Variants in SCAPER observed in about 807,000 individuals in gnomAD.
SCAPER encodes the protein S-phase cyclin A associated protein in the ER.
A neutral mutation model predicts 182.2 loss-of-function variants in SCAPER; 98 were observed. The ratio of observed to expected loss-of-function variants is 0.54; its 90% CI spans 0.46 to 0.64. The LOEUF is 0.64. Among genes scored for constraint, SCAPER ranks in the 30% least tolerant of loss-of-function variants. The pLI, the probability that SCAPER is intolerant of heterozygous loss-of-function variation, is 0.00. For missense variants in SCAPER, 1,432 were observed against 1,690.0 expected, an observed-to-expected ratio of 0.85 and a Z score of 2.68; for synonymous variants, 605 against 564.6, an observed-to-expected ratio of 1.07 and a Z score of -1.01.
chr15:76,564,954 C>T (rs2046923487), intron 23 of SCAPER, among the ~76,000 whole-genome samples: 1 of 152,000 alleles, frequency 6.6e-6, no homozygotes, highest in South Asian at 2.1e-4. Flanking sequence ...TGATGCAATA[C>T]CTGGCTAGCC....
At chr15:76,703,069 T>C (rs2059050506) in intron 18 of SCAPER, 67 bp from the exon 19 acceptor site, 3 of 1,470,276 alleles carry the variant, frequency 2.0e-6, no homozygotes, top group Non-Finnish European at 2.7e-6. Context: ...ATTGGAAAAA[T>C]AATATTTCCA....
At chr15:76,578,052 A>ACAGTAGCCAGG (rs1222840069) in intron 22 of SCAPER, among the ~76,000 whole-genome samples, 1 of 151,866 alleles carries the variant, frequency 6.6e-6, no homozygotes, top group Admixed American at 6.6e-5. Flanking sequence ...GTGAACACTG[A>ACAGTAGCCAGG]CAGTAGCCAG....
At chr15:76,760,699 C>A (rs951019107) in intron 14 of SCAPER, among the ~76,000 whole-genome samples, 1 of 152,166 alleles carries the variant, frequency 6.6e-6, no homozygotes, top group Non-Finnish European at 1.5e-5. Flanking sequence ...CATTTAGGAA[C>A]TCTGTTTCAG....
chr15:76,637,722 T>TTTTATATATA (rs1555512837), intron 21 of SCAPER, among the ~76,000 whole-genome samples: 1 of 77,850 alleles, frequency 1.3e-5, no homozygotes, highest in Non-Finnish European at 2.5e-5. Flanking sequence ...ATATATGTGA[T>TTTTATATATA]TATATATATA....
intron 4 of SCAPER, among the ~76,000 whole-genome samples, chr15:76,844,252 G>GAA: frequency 7.3e-6 from 1 of 136,692 alleles, no homozygotes; most frequent in East Asian, 2.1e-4. Flanking sequence ...GGACATTTGA[G>GAA]AGACAAAGAC....
chr15:76,722,046 T>C lies in SCAPER; in HGVS notation c.2165+6549A>G, dbSNP rs189933993. Reference sequence around the variant, plus strand: ...GCTTCCGGTTTTTGTCCATTCACTATGATTTTGGCTGTGGGTTTTCAATAG... The same window carrying C: ...GCTTCCGGTTTTTGTCCATTCACTACGATTTTGGCTGTGGGTTTTCAATAG... On this transcript the variant is annotated intron_variant, in intron 17 of 31. Coordinates refer to ENST00000563290, the MANE Select transcript of SCAPER (RefSeq NM_020843.4). Among the ~76,000 whole-genome samples the C allele has an allele frequency of 6.6e-5, 10 of 152,356 alleles. No homozygotes were observed. The East Asian group carries it at 1.9e-3, about 29-fold the overall frequency.
chr15:76,348,207 TA>T lies in SCAPER; in HGVS notation c.*425del, dbSNP rs1307661214. 1 of 152,932 alleles carries T rather than the reference TA, an allele frequency of 6.5e-6. No individual in the cohort carries two copies. The highest frequency in any genetic ancestry group is 1.5e-5 in the Non-Finnish European group (1 of 68,542). The allele number at this position is 152,932 out of a possible 1,614,324, so 9.5% of individuals were successfully genotyped here. The stretch of plus-strand genomic sequence containing the variant: ...AAATTTAGAGCAGGTAAACTTTAAT[TA>T]AGTCTTTATTTAAGATACTTCAAGA... On this transcript the variant is annotated 3_prime_UTR_variant, in exon 32 of 32. Transcript: ENST00000563290.
At chr15:76,669,866 TGAAA>T (rs2056888419) in intron 20 of SCAPER, among the ~76,000 whole-genome samples, 1 of 152,218 alleles carries the variant, frequency 6.6e-6, no homozygotes, top group Admixed American at 6.5e-5. Flanking sequence ...TTCAGTTTTG[TGAAA>T]GATCCAAATT....
intron 1 of SCAPER, among the ~76,000 whole-genome samples, chr15:76,884,806 CAATG>C (rs2073755213): frequency 6.6e-6 from 1 of 151,844 alleles, no homozygotes; most frequent in South Asian, 2.1e-4. Context: ...TATATTCACA[CAATG>C]AATAAAAGGA....
intron 9 of SCAPER, among the ~76,000 whole-genome samples, chr15:76,772,549 G>C (rs1482749019): frequency 6.6e-6 from 1 of 151,932 alleles, no homozygotes; most frequent in East Asian, 1.9e-4. Context: ...AAAGAGAAAA[G>C]CATGACCTAA....
At chr15:76,451,301 T>C (rs1194665773) in intron 25 of SCAPER, among the ~76,000 whole-genome samples, 1 of 152,212 alleles carries the variant, frequency 6.6e-6, no homozygotes, top group Non-Finnish European at 1.5e-5. Flanking sequence ...ATTTTACTTA[T>C]AAATAAGGAT....
At chr15:76,389,482 C>A (rs1003657748) in intron 27 of SCAPER, among the ~76,000 whole-genome samples, 1 of 77,290 alleles carries the variant, frequency 1.3e-5, no homozygotes, top group Admixed American at 2.1e-4. Flanking sequence ...GCCTGGGAAA[C>A]AAAGCAAGAC....
chr15:76,541,605 A>G (rs2044758866), intron 23 of SCAPER, among the ~76,000 whole-genome samples: 1 of 152,232 alleles, frequency 6.6e-6, no homozygotes, highest in African/African-American at 2.4e-5. Flanking sequence ...GCCCACTTCT[A>G]TAAATGACTC....
At chr15:76,676,505 AGG>A (rs1345777748) in intron 20 of SCAPER, among the ~76,000 whole-genome samples, 1 of 152,218 alleles carries the variant, frequency 6.6e-6, no homozygotes, top group Non-Finnish European at 1.5e-5. Flanking sequence ...AGTCAAAAAA[AGG>A]TACTTTAAAT....
intron 22 of SCAPER, among the ~76,000 whole-genome samples, chr15:76,605,385 G>A (rs1157174732): frequency 1.3e-5 from 2 of 152,102 alleles, no homozygotes; most frequent in Non-Finnish European, 2.9e-5. Flanking sequence ...ACTTGATCGT[G>A]GTGGATAAGC....
intron 21 of SCAPER, among the ~76,000 whole-genome samples, chr15:76,652,714 A>T (rs1361929991): frequency 7.1e-6 from 1 of 140,994 alleles, no homozygotes; most frequent in Non-Finnish European, 1.6e-5. Flanking sequence ...CTGTCTCAAA[A>T]AATAATAATA....
chr15:76,488,347 T>C (rs140229008), intron 24 of SCAPER, among the ~76,000 whole-genome samples: 5 of 152,328 alleles, frequency 3.3e-5, no homozygotes, highest in African/African-American at 1.2e-4. Context: ...ATTTGCTTTA[T>C]GTTATATTAC....
chr15:76,632,279 T>G (rs1181981872), intron 21 of SCAPER, among the ~76,000 whole-genome samples: 1 of 151,860 alleles, frequency 6.6e-6, no homozygotes, highest in Non-Finnish European at 1.5e-5. Flanking sequence ...AACCTCCACC[T>G]GCTGGGTTCA....
intron 29 of SCAPER, among the ~76,000 whole-genome samples, chr15:76,359,330 G>C (rs899001877): frequency 6.6e-6 from 1 of 152,180 alleles, no homozygotes; most frequent in African/African-American, 2.4e-5. Flanking sequence ...GGAAGCCATT[G>C]CTGAGGTCTC....
Sources: allele counts gnomAD v4.1 joint callset (sites outside exome capture counted in the v4.1 genomes callset), GRCh38; gene constraint gnomAD v4.1.1; transcripts MANE v1.5; gene names NCBI Gene and HGNC (gene_info 2026-07-23, HGNC 2026-07-21).